Variants in GALR1 observed in about 807,000 individuals in gnomAD.
The protein encoded by GALR1 is galanin receptor type 1.
In GALR1, 11 loss-of-function variants were observed where a neutral mutation model predicts 17.9. That is an observed-to-expected ratio of 0.62 (90% CI 0.39 to 1.02). GALR1 has a LOEUF of 1.02. GALR1 is among the 50% of genes least tolerant of loss of function. The pLI is 0.01. For synonymous variants in GALR1, 206 were observed against 205.7 expected (o/e 1.00, Z -0.01); for missense variants, 441 against 456.9 (o/e 0.97, Z 0.32).
chr18:77,268,454 A>G, intron 2 of GALR1, 131 bp from the exon 3 acceptor site: 1 of 653,648 alleles, frequency 1.5e-6, no homozygotes, highest in Non-Finnish European at 2.6e-6. Context: ...GAAAATATAC[A>G]TAAAATTAGC....
rs1317551743 is a variant in GALR1 at position 77,274,464 on chromosome 18, C to T, written c.*5562C>T. On this transcript the variant is annotated 3_prime_UTR_variant, in exon 3 of 3. Coordinates refer to ENST00000299727, the MANE Select transcript of GALR1 (RefSeq NM_001480.4). ...CCCCTAGGACTTCTGCAATGGGATA[C>T]CAAAGATGACGTGTAAGGCCTTCAG... 1 of 152,238 alleles carries T rather than the reference C, an allele frequency of 6.6e-6. No individual in the cohort carries two copies. The highest frequency in any genetic ancestry group is 1.9e-4 in the East Asian group (1 of 5,192). The allele number at this position is 152,238 out of a possible 1,614,324, so 9.4% of individuals were successfully genotyped here. A position where few individuals can be genotyped will look rare whatever the true frequency, so the allele number is the denominator to read the frequency against.
chr18:77,257,109 T>C (rs1912608261), intron 2 of GALR1, among the ~76,000 whole-genome samples: 1 of 152,202 alleles, frequency 6.6e-6, no homozygotes, highest in African/African-American at 2.4e-5. Context: ...GAAATTATAG[T>C]TTAGATCATG....
rs554004563 is a variant in GALR1 at position 77,275,532 on chromosome 18, G to A, written c.*6630G>A. On this transcript the variant is annotated 3_prime_UTR_variant, in exon 3 of 3. Coordinates refer to ENST00000299727, the MANE Select transcript of GALR1 (RefSeq NM_001480.4). ...GACACGATCAGCGTGATAGACAGGT[G>A]TCTTGCTATGTGACTTGCCATTGCG... The A allele has an allele frequency of 6.6e-5, 10 of 152,348 alleles. No homozygotes were observed. Among genetic ancestry groups the A allele is most frequent in the African/African-American group, 2.2e-4 (9 of 41,566 alleles). 9.4% of individuals were successfully genotyped at this position (152,348 alleles called of 1,614,324 possible). A position where few individuals can be genotyped will look rare whatever the true frequency, so the allele number is the denominator to read the frequency against.
At chr18:77,262,962 A>T (rs182325613) in intron 2 of GALR1, among the ~76,000 whole-genome samples, 8 of 152,324 alleles carry the variant, frequency 5.3e-5, no homozygotes, top group Non-Finnish European at 1.5e-5. Context: ...TGCCAGAGAA[A>T]ACACTCCGGC....
At position 77,272,486 on chromosome 18, in the gene GALR1, C is replaced by G. The variant is rs1913083741; in HGVS notation, c.*3584C>G. On this transcript the variant is annotated 3_prime_UTR_variant, in exon 3 of 3. Coordinates refer to ENST00000299727, the MANE Select transcript of GALR1 (RefSeq NM_001480.4). ...ATTGGGCAGCTTCATCATGTTCTTGCTTTAAATGATTTATCAAATACATGT... is the reference window on the plus strand; with the variant it reads ...ATTGGGCAGCTTCATCATGTTCTTGGTTTAAATGATTTATCAAATACATGT... 1 of 152,214 alleles carries G rather than the reference C, an allele frequency of 6.6e-6. No homozygotes were observed. The highest frequency in any genetic ancestry group is 6.5e-5 in the Admixed American group (1 of 15,282). 9.4% of individuals were successfully genotyped at this position (152,214 alleles called of 1,614,324 possible).
chr18:77,267,891 T>C (rs1912977548), intron 2 of GALR1, among the ~76,000 whole-genome samples: 1 of 152,188 alleles, frequency 6.6e-6, no homozygotes, highest in Non-Finnish European at 1.5e-5. Context: ...CCTCTCCTGT[T>C]GAGGTCCCTA....
chr18:77,264,643 G>A (rs543502097), intron 2 of GALR1, among the ~76,000 whole-genome samples: 6 of 152,244 alleles, frequency 3.9e-5, no homozygotes, highest in Non-Finnish European at 1.5e-5. Flanking sequence ...CCAAGACTGG[G>A]TAATTTATAA....
intron 2 of GALR1, among the ~76,000 whole-genome samples, chr18:77,259,003 AC>A (rs1334682402): frequency 7.0e-4 from 46 of 65,592 alleles, no homozygotes; most frequent in South Asian, 1.9e-3. Context: ...GGTGGTGGTC[AC>A]AGTGGTGGTG....
intron 1 of GALR1, among the ~76,000 whole-genome samples, chr18:77,251,727 C>T (rs1912422398): frequency 6.6e-6 from 1 of 152,178 alleles, no homozygotes; most frequent in South Asian, 2.1e-4. Flanking sequence ...CCACAGCTCC[C>T]TCCCGGGCTC....
chr18:77,266,469 C>T (rs894406617), intron 2 of GALR1, among the ~76,000 whole-genome samples: 1 of 152,210 alleles, frequency 6.6e-6, no homozygotes, highest in Admixed American at 6.5e-5. Context: ...TGCCTATTAC[C>T]CAGTTCCAAA....
In GALR1 at chr18:77,276,867, A is replaced by G. The variant is rs114261083; in HGVS notation, c.*7965A>G. ...CAGAAATTTGTAAGTTTTCAAAAGC[A>G]TGAAGGAGTTTAATAACTTGTAAGA... On this transcript the variant is annotated 3_prime_UTR_variant, in exon 3 of 3. Transcript: ENST00000299727. 1.7e-3 allele frequency: 257 copies of G among 152,376 alleles called. No homozygotes were observed. Among genetic ancestry groups the G allele is most frequent in the African/African-American group, 5.9e-3 (247 of 41,592 alleles). The allele number at this position is 152,376 out of a possible 1,614,324, so 9.4% of individuals were successfully genotyped here. A position where few individuals can be genotyped will look rare whatever the true frequency, so the allele number is the denominator to read the frequency against.
At chr18:77,252,341 C>A (rs1319198304) in intron 1 of GALR1, among the ~76,000 whole-genome samples, 3 of 152,212 alleles carry the variant, frequency 2.0e-5, no homozygotes, top group African/African-American at 7.2e-5. Flanking sequence ...CCAGTTCCAC[C>A]CGACTTCACC....
In GALR1 at chr18:77,270,057, A is replaced by G. The variant is rs2144969728; in HGVS notation, c.*1155A>G. On this transcript the variant is annotated 3_prime_UTR_variant, in exon 3 of 3. Coordinates refer to ENST00000299727, the MANE Select transcript of GALR1 (RefSeq NM_001480.4). ...AAAACCATCACCATTTGAATTTCAA[A>G]TGTAGTTTTCATGACAATTTTATAT... 1 of 152,352 alleles carries G rather than the reference A, an allele frequency of 6.6e-6. No homozygotes were observed. 9.4% of individuals were successfully genotyped at this position (152,352 alleles called of 1,614,324 possible). A position where few individuals can be genotyped will look rare whatever the true frequency, so the allele number is the denominator to read the frequency against.
rs1010948857 is a variant in GALR1, at chr18:77,249,907, G to C, written c.-642G>C. On this transcript the variant is annotated 5_prime_UTR_variant, in exon 1 of 3. Coordinates refer to ENST00000299727, the MANE Select transcript of GALR1 (RefSeq NM_001480.4). ...GGCACCCGACTCTATCCACCACCAGGAAGCCTCCCAAAAGAGCTCTCGCCC... is the reference window on the plus strand; with the variant it reads ...GGCACCCGACTCTATCCACCACCAGCAAGCCTCCCAAAAGAGCTCTCGCCC... 2.0e-5 allele frequency among the ~76,000 whole-genome samples: 3 copies of C among 152,218 alleles called. No homozygotes were observed. Among genetic ancestry groups the C allele is most frequent in the African/African-American group, 7.2e-5 (3 of 41,460 alleles).
intron 1 of GALR1, among the ~76,000 whole-genome samples, chr18:77,252,854 A>ACACCAC (rs1217118933): frequency 3.2e-4 from 17 of 52,594 alleles, no homozygotes; most frequent in South Asian, 6.3e-4. Context: ...CTGTCTCAAA[A>ACACCAC]CACCACCACC....
At chr18:77,260,333 G>A (rs1912803469) in intron 2 of GALR1, among the ~76,000 whole-genome samples, 1 of 152,110 alleles carries the variant, frequency 6.6e-6, no homozygotes. Flanking sequence ...TTATTCATAG[G>A]GTGGGAGGTG....
At chr18:77,263,326 G>T (rs1455982026) in intron 2 of GALR1, among the ~76,000 whole-genome samples, 1 of 152,166 alleles carries the variant, frequency 6.6e-6, no homozygotes, top group African/African-American at 2.4e-5. Flanking sequence ...GCAATAAGTG[G>T]CTTTAATATG....
intron 1 of GALR1, among the ~76,000 whole-genome samples, chr18:77,254,890 T>C (rs903972418): frequency 6.6e-6 from 1 of 152,220 alleles, no homozygotes; most frequent in Admixed American, 6.5e-5. Context: ...AGCATTTCGG[T>C]AGGGGAGAGA....
In GALR1 at chr18:77,275,021, C is replaced by A. The variant is rs913973757; in HGVS notation, c.*6119C>A. The A allele has an allele frequency of 3.9e-5, 6 of 152,246 alleles. No individual in the cohort carries two copies. The highest frequency in any genetic ancestry group is 2.0e-4 in the Admixed American group (3 of 15,280). 9.4% of individuals were successfully genotyped at this position (152,246 alleles called of 1,614,324 possible). A position where few individuals can be genotyped will look rare whatever the true frequency, so the allele number is the denominator to read the frequency against. ...TTTTTTCCTGGCTATCCTGCCAATA[C>A]TTTTCCATCTAACAGAAACGCAAGC... On this transcript the variant is annotated 3_prime_UTR_variant, in exon 3 of 3. Transcript: ENST00000299727.
Sources: allele counts gnomAD v4.1 joint callset (sites outside exome capture counted in the v4.1 genomes callset), GRCh38; gene constraint gnomAD v4.1.1; transcripts MANE v1.5; gene names NCBI Gene and HGNC (gene_info 2026-07-23, HGNC 2026-07-21).